Variants in CLEC16A observed in about 807,000 individuals in gnomAD.
The protein encoded by CLEC16A is protein CLEC16A.
CLEC16A carries 51 observed loss-of-function variants against 109.5 expected under a neutral mutation model. The observed-to-expected ratio is 0.47, with a 90% CI of 0.37 to 0.59. The LOEUF is 0.59. Among genes scored for constraint, CLEC16A ranks in the 20% least tolerant of loss-of-function variants. The probability of loss-of-function intolerance (pLI) is 0.00; values close to 1 mark genes in which losing one functional copy is unlikely to be tolerated. For synonymous variants in CLEC16A, 673 were observed against 564.2 expected (o/e 1.19, Z -2.73); for missense variants, 1,339 against 1,394.0 (o/e 0.96, Z 0.63).
intron 8 of CLEC16A, 45 bp downstream of exon 8, chr16:10,977,444 G>T: frequency 5.1e-6 from 8 of 1,570,336 alleles, no homozygotes; most frequent in Non-Finnish European, 7.0e-6. Context: ...GCCATCAGAA[G>T]TGGGGAAGAA....
chr16:11,030,850 G>T (rs538060718), intron 13 of CLEC16A, among the ~76,000 whole-genome samples: 16 of 152,252 alleles, frequency 1.1e-4, no homozygotes, highest in African/African-American at 3.4e-4. Flanking sequence ...TCGCCCTGTT[G>T]GCCAGGCTGG....
At chr16:11,074,523 A>G (rs2049244445) in intron 19 of CLEC16A, among the ~76,000 whole-genome samples, 1 of 152,140 alleles carries the variant, frequency 6.6e-6, no homozygotes. Context: ...TTTCCTGTGT[A>G]TTGATTATTT....
At chr16:10,975,793 C>T (rs2043004224) in intron 7 of CLEC16A, among the ~76,000 whole-genome samples, 1 of 151,984 alleles carries the variant, frequency 6.6e-6, no homozygotes, top group Admixed American at 6.5e-5. Flanking sequence ...ACTACAGGTG[C>T]ATGCCACCAC....
intron 22 of CLEC16A, among the ~76,000 whole-genome samples, chr16:11,157,812 C>A (rs979182997): frequency 1.3e-5 from 2 of 152,158 alleles, no homozygotes; most frequent in Non-Finnish European, 2.9e-5. Context: ...GGGCCCTGTG[C>A]CCTGTCTTCC....
chr16:11,076,375 G>A (rs553642431), intron 19 of CLEC16A, among the ~76,000 whole-genome samples: 122 of 152,330 alleles, frequency 8.0e-4, no homozygotes, highest in African/African-American at 2.7e-3. Flanking sequence ...GACGGGGAGG[G>A]GAGGGCAGTA....
rs574070483 is a variant in CLEC16A, at chr16:10,947,818, G to A, written c.80+3021G>A. Among the ~76,000 whole-genome samples, 13 of 152,276 alleles carry A rather than the reference G, an allele frequency of 8.5e-5. No individual in the cohort carries two copies. The South Asian group carries it at 2.1e-3, about 24-fold the overall frequency. The stretch of plus-strand genomic sequence containing the variant: ...TGACCTAGAGCAGTATGGATGGAGA[G>A]GGAAAGTTTAAGATAGTTAAAAGAA... On this transcript the variant is annotated intron_variant, in intron 1 of 23. Transcript: ENST00000409790.
chr16:11,175,460 A>T (rs1446803603), intron 23 of CLEC16A, among the ~76,000 whole-genome samples: 1 of 152,208 alleles, frequency 6.6e-6, no homozygotes, highest in Non-Finnish European at 1.5e-5. Flanking sequence ...AGGCTTCACC[A>T]GTAACTTTTG....
chr16:11,084,328 T>C (rs1352996671), intron 19 of CLEC16A, among the ~76,000 whole-genome samples: 1 of 152,180 alleles, frequency 6.6e-6, no homozygotes, highest in African/African-American at 2.4e-5. Context: ...TTTCTATTTT[T>C]ATGTGGTTCT....
intron 18 of CLEC16A, among the ~76,000 whole-genome samples, chr16:11,053,372 ATT>A (rs780259138): frequency 6.9e-6 from 1 of 145,482 alleles, no homozygotes; most frequent in Non-Finnish European, 1.5e-5. Context: ...CAGAGGAAGA[ATT>A]TTTTTTTTTT....
At chr16:11,168,357 C>T (rs188969783) in intron 23 of CLEC16A, among the ~76,000 whole-genome samples, 144 of 152,340 alleles carry the variant, frequency 9.5e-4, no homozygotes, top group East Asian at 9.3e-3. Flanking sequence ...TGTCAGGTGG[C>T]CAGGCAGTTC....
intron 18 of CLEC16A, chr16:11,056,451 C>T (rs2048219270): frequency 6.6e-6 from 1 of 152,162 alleles, no homozygotes; most frequent in Non-Finnish European, 1.5e-5. Flanking sequence ...TCTAAATCTA[C>T]CAAAGCTTAA....
chr16:11,058,816 T>C (rs1043856157), intron 18 of CLEC16A, among the ~76,000 whole-genome samples: 1 of 152,198 alleles, frequency 6.6e-6, no homozygotes, highest in African/African-American at 2.4e-5. Flanking sequence ...CATGAGTTAT[T>C]TGCCTTCAAA....
In CLEC16A at chr16:10,983,412, C is replaced by T. The variant is rs141184597; in HGVS notation, c.1071+421C>T. On this transcript the variant is annotated intron_variant, in intron 10 of 23. Coordinates refer to ENST00000409790, the MANE Select transcript of CLEC16A (RefSeq NM_015226.3). ...AATTGGAGAGTGTATGCCACCTTGG[C>T]GAGCAGCTCCTGTTCTACCCCAGGC... Among the ~76,000 whole-genome samples, 414 of 152,330 alleles carry T rather than the reference C, an allele frequency of 2.7e-3. 3 individuals carry two copies. Among genetic ancestry groups the T allele is most frequent in the African/African-American group, 9.4e-3 (392 of 41,570 alleles).
At chr16:11,104,125 T>G (rs930507929) in intron 19 of CLEC16A, among the ~76,000 whole-genome samples, 18 of 152,136 alleles carry the variant, frequency 1.2e-4, no homozygotes, top group Non-Finnish European at 2.4e-4. Flanking sequence ...GGGGGTTTTT[T>G]TGAGACAAGG....
At chr16:11,033,141 C>T (rs1425663202) in intron 13 of CLEC16A, among the ~76,000 whole-genome samples, 3 of 152,098 alleles carry the variant, frequency 2.0e-5, no homozygotes, top group South Asian at 2.1e-4. Flanking sequence ...AGAGCCAGGA[C>T]GTGCTGATGG....
chr16:11,017,916 G>T (rs1416423371), intron 11 of CLEC16A, among the ~76,000 whole-genome samples: 1 of 146,906 alleles, frequency 6.8e-6, no homozygotes. Flanking sequence ...TCCTGGAACA[G>T]AAAAAAGACA....
chr16:11,082,586 G>A (rs987401438), intron 19 of CLEC16A, among the ~76,000 whole-genome samples: 8 of 152,178 alleles, frequency 5.3e-5, no homozygotes, highest in African/African-American at 9.7e-5. Flanking sequence ...AGCCGGAGCG[G>A]CTGTGCATTC....
chr16:11,133,067 C>T (rs2053325424), intron 22 of CLEC16A, among the ~76,000 whole-genome samples: 1 of 152,194 alleles, frequency 6.6e-6, no homozygotes, highest in Admixed American at 6.5e-5. Context: ...CAGCTTCCTA[C>T]TGGGTTTGGG....
intron 13 of CLEC16A, among the ~76,000 whole-genome samples, chr16:11,025,434 C>G (rs1328324836): frequency 1.3e-5 from 2 of 152,156 alleles, no homozygotes; most frequent in Admixed American, 1.3e-4. Flanking sequence ...TGGCCAGGAT[C>G]CAACTCCCAT....
Sources: gnomAD v4.1 joint callset for allele counts (sites outside exome capture counted in the v4.1 genomes callset) on GRCh38, gnomAD v4.1.1 for gene constraint, MANE v1.5 for transcripts, NCBI Gene and HGNC (gene_info 2026-07-23, HGNC 2026-07-21) for gene names.